The following LOC730098 variants were observed in gnomAD, a reference collection of about 807,000 sequenced individuals.
chr9:34,664,906 C>G, the LOC730098 span: 1 of 459,764 alleles, frequency 2.2e-6, no homozygotes, highest in Admixed American at 3.8e-5. Flanking sequence ...GGGGCTTTGA[C>G]GTGGAAGGGC....
the LOC730098 span, chr9:34,665,053 G>T: frequency 3.2e-5 from 19 of 599,682 alleles, no homozygotes; most frequent in Admixed American, 1.5e-4. Flanking sequence ...TAATGCACTG[G>T]CTGGCTGGGC....
At chr9:34,664,842 G>T in the LOC730098 span, 7 of 414,336 alleles carry the variant, frequency 1.7e-5, no homozygotes, top group Middle Eastern at 6.1e-4. Flanking sequence ...GTTTTTGGGG[G>T]TTGGGATTGG....
At chr9:34,665,368 T>C in the LOC730098 span, 5 of 694,282 alleles carry the variant, frequency 7.2e-6, no homozygotes, top group South Asian at 4.5e-5. Flanking sequence ...ACAGCCCCAG[T>C]AGATCCTGCA....
chr9:34,664,950 A>G, the LOC730098 span: 1 of 552,506 alleles, frequency 1.8e-6, no homozygotes, highest in Non-Finnish European at 3.2e-6. Context: ...GTCAGTACGG[A>G]ACAGAGCCCG....
At chr9:34,665,271 C>A in the LOC730098 span, 161 of 701,738 alleles carry the variant, frequency 2.3e-4, no homozygotes, top group South Asian at 2.3e-3. Flanking sequence ...GACTGAGTCC[C>A]GTCCATGCCC....
At chr9:34,665,383 G>T in the LOC730098 span, 4 of 701,342 alleles carry the variant, frequency 5.7e-6, no homozygotes, top group Non-Finnish European at 1.0e-5. Flanking sequence ...CCTGCAGAGA[G>T]AGGGCAGAGC....
chr9:34,664,985 A>G, the LOC730098 span: 1 of 553,614 alleles, frequency 1.8e-6, no homozygotes, highest in Middle Eastern at 3.8e-4. Flanking sequence ...CTCGGCTCGA[A>G]TGGCGACAGC....
At chr9:34,665,064 A>AGCGGCGGTGGGGCT in the LOC730098 span, 1 of 600,282 alleles carries the variant, frequency 1.7e-6, no homozygotes, top group Admixed American at 3.0e-5. Context: ...CTGGCTGGGC[A>AGCGGCGGTGGGGCT]GCGGCGGTGG....
chr9:34,665,949 G>A, the LOC730098 span: 1 of 513,972 alleles, frequency 1.9e-6, no homozygotes, highest in African/African-American at 1.9e-5. Flanking sequence ...TTGGGGCCCT[G>A]GGTGAGGATT....
At chr9:34,664,188 ATACT>A in the LOC730098 span, 1 of 152,276 alleles carries the variant, frequency 6.6e-6, no homozygotes, top group Non-Finnish European at 1.5e-5. Flanking sequence ...TGTGCGCTAC[ATACT>A]TTCTGGTCTT....
the LOC730098 span, chr9:34,665,474 C>G: frequency 1.4e-6 from 1 of 694,698 alleles, no homozygotes; most frequent in Non-Finnish European, 2.6e-6. Flanking sequence ...GAAGGCTCCG[C>G]CCCGCCTCTA....
At chr9:34,665,235 C>G in the LOC730098 span, 2 of 687,196 alleles carry the variant, frequency 2.9e-6, no homozygotes, top group Admixed American at 2.1e-5. Context: ...CGGGAGCTAC[C>G]GGATTCCCCC....
the LOC730098 span, chr9:34,665,403 C>CGGGGA: frequency 2.4e-6 from 1 of 419,230 alleles, no homozygotes; most frequent in Non-Finnish European, 4.6e-6. Flanking sequence ...CCGGGCGGGG[C>CGGGGA]GGGGCGGGGC....
chr9:34,665,649 A>G, the LOC730098 span: 1 of 700,498 alleles, frequency 1.4e-6, no homozygotes, highest in Non-Finnish European at 2.6e-6. Flanking sequence ...GTATCTCCTC[A>G]TTCCCGACAT....
the LOC730098 span, chr9:34,665,304 G>A: frequency 1.4e-6 from 1 of 701,460 alleles, no homozygotes; most frequent in South Asian, 1.5e-5. Context: ...CGGTATCGCA[G>A]CCTCCTCACC....
chr9:34,664,821 T>G, the LOC730098 span: 1 of 408,556 alleles, frequency 2.4e-6, no homozygotes, highest in African/African-American at 2.1e-5. Context: ...TATAGGCGAC[T>G]CACAGTATGG....
At chr9:34,665,266 A>G in the LOC730098 span, 1 of 701,542 alleles carries the variant, frequency 1.4e-6, no homozygotes. Context: ...TCAGAGACTG[A>G]GTCCCGTCCA....
chr9:34,664,927 G>C, the LOC730098 span: 1 of 473,716 alleles, frequency 2.1e-6, no homozygotes. Flanking sequence ...ACCCTTCCAG[G>C]GAGGGACGCC....
the LOC730098 span, chr9:34,665,063 C>T: frequency 1.7e-6 from 1 of 600,126 alleles, no homozygotes; most frequent in East Asian, 2.8e-5. Flanking sequence ...GCTGGCTGGG[C>T]AGCGGCGGTG....
Sources: gnomAD v4.1 joint callset for allele counts on GRCh38, gnomAD v4.1.1 for gene constraint, MANE v1.5 for transcripts.